Variants in NTRK3 observed in about 807,000 individuals in gnomAD.
NTRK3 encodes NT-3 growth factor receptor.
NTRK3 carries 24 observed loss-of-function variants against 91.7 expected under a neutral mutation model. The observed-to-expected ratio is 0.26, with a 90% CI of 0.19 to 0.37. The LOEUF is 0.37. Among genes scored for constraint, NTRK3 ranks in the 10% least tolerant of loss-of-function variants. The pLI, the probability that NTRK3 is intolerant of heterozygous loss-of-function variation, is 1.00. For synonymous variants in NTRK3, 483 were observed against 404.0 expected, an observed-to-expected ratio of 1.20 and a Z score of -2.34; for missense variants, 880 against 1,068.9, an observed-to-expected ratio of 0.82 and a Z score of 2.46.
At chr15:87,997,294 T>C (rs957907954) in intron 14 of NTRK3, among the ~76,000 whole-genome samples, 2 of 152,186 alleles carry the variant, frequency 1.3e-5, no homozygotes, top group Non-Finnish European at 2.9e-5. Flanking sequence ...GTAAACAATA[T>C]TCAACAAGAC....
Position 88,157,032 on chromosome 15 carries a change from ATCCTGT to A in NTRK3, c.396-9635_396-9630del, listed in dbSNP as rs2043969702. On this transcript the variant is annotated intron_variant, in intron 5 of 18. Coordinates refer to ENST00000394480, the Ensembl canonical transcript of NTRK3. ...AGAAAAAGGCCTAGGGACAAAGACA[ATCCTGT>A]ACCCTGCAGGGTGCGGCTTCTGCTC... is the stretch of plus-strand genomic sequence containing the variant. Among the ~76,000 whole-genome samples, 3 of 151,934 alleles carry A rather than the reference ATCCTGT, an allele frequency of 2.0e-5. No individual in the cohort carries two copies. The South Asian group carries it at 6.2e-4, about 32-fold the overall frequency.
At chr15:88,094,494 A>G (rs1372460336) in intron 13 of NTRK3, among the ~76,000 whole-genome samples, 1 of 151,074 alleles carries the variant, frequency 6.6e-6, no homozygotes, top group African/African-American at 2.4e-5. Flanking sequence ...AAAAAAAAAA[A>G]AAAAAAAAGA....
intron 14 of NTRK3, among the ~76,000 whole-genome samples, chr15:88,025,585 T>A (rs2077964702): frequency 6.6e-6 from 1 of 152,096 alleles, no homozygotes; most frequent in African/African-American, 2.4e-5. Flanking sequence ...AGCCAAGGGA[T>A]GCCAAAGATT....
intron 5 of NTRK3, among the ~76,000 whole-genome samples, chr15:88,149,612 G>A (rs932833140): frequency 3.3e-5 from 5 of 152,188 alleles, no homozygotes; most frequent in Non-Finnish European, 5.9e-5. Context: ...CCACCGATCA[G>A]AAAGGTGTGA....
intron 14 of NTRK3, among the ~76,000 whole-genome samples, chr15:87,963,924 A>C (rs2072543446): frequency 6.6e-6 from 1 of 152,212 alleles, no homozygotes; most frequent in Non-Finnish European, 1.5e-5. Flanking sequence ...TTTAGGATCA[A>C]TCCATTTCCG....
At chr15:88,071,225 A>T (rs1011292771) in intron 13 of NTRK3, among the ~76,000 whole-genome samples, 1 of 152,194 alleles carries the variant, frequency 6.6e-6, no homozygotes, top group South Asian at 2.1e-4. Flanking sequence ...ACTGCATCCC[A>T]GCGATGAGGG....
intron 14 of NTRK3, among the ~76,000 whole-genome samples, chr15:87,977,211 G>A (rs959146862): frequency 6.6e-6 from 1 of 152,176 alleles, no homozygotes; most frequent in African/African-American, 2.4e-5. Flanking sequence ...GCAACCAATG[G>A]AACAGATTGT....
intron 3 of NTRK3, chr15:88,252,583 C>A (rs1185390781): frequency 6.6e-6 from 1 of 152,376 alleles, no homozygotes; most frequent in Admixed American, 6.5e-5. Flanking sequence ...AAGACCATAC[C>A]ACTCCAACCC....
At chr15:87,878,952 T>TC (rs2065090881) in intron 18 of NTRK3, among the ~76,000 whole-genome samples, 1 of 139,812 alleles carries the variant, frequency 7.2e-6, no homozygotes, top group South Asian at 2.3e-4. Context: ...TGTGTGTGTG[T>TC]GTTCCTAACC....
At chr15:88,186,243 A>T (rs1034391150) in intron 3 of NTRK3, among the ~76,000 whole-genome samples, 1 of 152,202 alleles carries the variant, frequency 6.6e-6, no homozygotes, top group South Asian at 2.1e-4. Flanking sequence ...CAATTGTTTA[A>T]ATCACTGAAA....
intron 14 of NTRK3, among the ~76,000 whole-genome samples, chr15:88,008,147 G>A (rs1173678401): frequency 6.6e-6 from 1 of 152,144 alleles, no homozygotes; most frequent in Non-Finnish European, 1.5e-5. Flanking sequence ...AAGAAAAAGA[G>A]CAGAATCCTA....
At chr15:87,965,625 T>C (rs2072720853) in intron 14 of NTRK3, among the ~76,000 whole-genome samples, 1 of 152,224 alleles carries the variant, frequency 6.6e-6, no homozygotes, top group African/African-American at 2.4e-5. Context: ...TGGTGTTTAT[T>C]CACCAGGCAG....
chr15:87,924,289 C>G (rs1054640695), intron 17 of NTRK3, among the ~76,000 whole-genome samples: 1 of 152,072 alleles, frequency 6.6e-6, no homozygotes, highest in Non-Finnish European at 1.5e-5. Flanking sequence ...ACCAAGACAT[C>G]CATAAAATCA....
chr15:88,200,548 T>C (rs2048215672), intron 3 of NTRK3, among the ~76,000 whole-genome samples: 1 of 152,186 alleles, frequency 6.6e-6, no homozygotes, highest in African/African-American at 2.4e-5. Flanking sequence ...CTCGTGATAA[T>C]GGGTGAGTTC....
Position 87,976,847 on chromosome 15 carries a change from G to T in NTRK3, c.1586-36094C>A, listed in dbSNP as rs542933908. Among the ~76,000 whole-genome samples the T allele has an allele frequency of 5.3e-5, 8 of 152,254 alleles. No homozygotes were observed. In the South Asian group the frequency reaches 1.5e-3, roughly 28 times the overall value. On this transcript the variant is annotated intron_variant, in intron 14 of 18. Transcript: ENST00000394480. Reference sequence around the variant, plus strand: ...CAAGGTCACTTTCCCAACATCCACAGGGAACATACAAAACCACTCCATCCT... The same window carrying T: ...CAAGGTCACTTTCCCAACATCCACATGGAACATACAAAACCACTCCATCCT...
chr15:88,020,146 G>C (rs1472572175), intron 14 of NTRK3, among the ~76,000 whole-genome samples: 1 of 152,210 alleles, frequency 6.6e-6, no homozygotes, highest in African/African-American at 2.4e-5. Context: ...CAGGGGAGAA[G>C]GGGAATTTGT....
intron 3 of NTRK3, among the ~76,000 whole-genome samples, chr15:88,216,787 G>C (rs917818819): frequency 6.6e-6 from 1 of 152,184 alleles, no homozygotes; most frequent in Non-Finnish European, 1.5e-5. Context: ...AAGAGCTCCA[G>C]AACTTATTAT....
At chr15:87,948,284 G>T (rs2070766707) in intron 14 of NTRK3, among the ~76,000 whole-genome samples, 1 of 152,238 alleles carries the variant, frequency 6.6e-6, no homozygotes. Context: ...GGAGAAAAAA[G>T]AGGATCTCCT....
intron 14 of NTRK3, among the ~76,000 whole-genome samples, chr15:87,954,072 T>C (rs1446781423): frequency 6.7e-6 from 1 of 149,590 alleles, no homozygotes; most frequent in Admixed American, 6.6e-5. Context: ...GCTTTTTTTC[T>C]CTGAAATAGA....
Sources: gnomAD v4.1 joint callset for allele counts (sites outside exome capture counted in the v4.1 genomes callset) on GRCh38, gnomAD v4.1.1 for gene constraint, MANE v1.5 for transcripts, NCBI Gene and HGNC (gene_info 2026-07-23, HGNC 2026-07-21) for gene names.